Variants in GMDS observed in about 807,000 individuals in gnomAD.
The protein encoded by GMDS is GDP-mannose 4,6 dehydratase.
A neutral mutation model predicts 49.9 loss-of-function variants in GMDS; 20 were observed. That is an observed-to-expected ratio of 0.40 (90% confidence interval 0.28 to 0.58). The LOEUF (loss-of-function observed/expected upper bound fraction) is 0.58, where lower values mean the gene tolerates loss of function less well. GMDS is among the 20% of genes least tolerant of loss of function. The pLI is 0.42. For synonymous variants in GMDS, 177 were observed against 178.6 expected (o/e 0.99, Z 0.07); for missense variants, 362 against 481.4 (o/e 0.75, Z 2.32).
intron 7 of GMDS, among the ~76,000 whole-genome samples, chr6:1,747,817 CAG>C (rs1409222451): frequency 6.6e-6 from 1 of 152,126 alleles, no homozygotes; most frequent in Non-Finnish European, 1.5e-5. Context: ...TAAAAACAAA[CAG>C]TGTGAAACCA....
chr6:1,882,351 T>C (rs185596340), intron 7 of GMDS, among the ~76,000 whole-genome samples: 44 of 152,346 alleles, frequency 2.9e-4, no homozygotes, highest in Admixed American at 1.0e-3. Flanking sequence ...TTGGTTAAAA[T>C]TCCCAGTTTA....
At chr6:1,917,990 C>A (rs2113896058) in intron 7 of GMDS, among the ~76,000 whole-genome samples, 2 of 152,340 alleles carry the variant, frequency 1.3e-5, no homozygotes, top group South Asian at 4.1e-4. Context: ...TCTTACTGCA[C>A]TGTTTCCACA....
chr6:1,891,087 G>A (rs146813627), intron 7 of GMDS, among the ~76,000 whole-genome samples: 1 of 152,184 alleles, frequency 6.6e-6, no homozygotes, highest in East Asian at 1.9e-4. Flanking sequence ...TACTGGTATT[G>A]CCATCTATTC....
At chr6:2,060,233 C>T (rs542563427) in intron 4 of GMDS, among the ~76,000 whole-genome samples, 1 of 152,328 alleles carries the variant, frequency 6.6e-6, no homozygotes, top group East Asian at 1.9e-4. Flanking sequence ...TTCTCTGCCC[C>T]TCTGCTCCAC....
intron 1 of GMDS, among the ~76,000 whole-genome samples, chr6:2,167,234 A>C (rs1777712531): frequency 6.6e-6 from 1 of 152,186 alleles, no homozygotes; most frequent in African/African-American, 2.4e-5. Context: ...CAGTCACTTA[A>C]GGCAAAATGG....
At chr6:2,197,185 G>C (rs1336572573) in intron 1 of GMDS, among the ~76,000 whole-genome samples, 2 of 152,188 alleles carry the variant, frequency 1.3e-5, no homozygotes, top group African/African-American at 4.8e-5. Context: ...ACTGGCTTTA[G>C]TAGGAGGTGA....
At chr6:2,153,551 G>T (rs1478697909) in intron 1 of GMDS, among the ~76,000 whole-genome samples, 1 of 152,048 alleles carries the variant, frequency 6.6e-6, no homozygotes. Flanking sequence ...TAAGAGAAAT[G>T]AGTTCATATA....
At chr6:1,865,700 A>G (rs569050215) in intron 7 of GMDS, among the ~76,000 whole-genome samples, 38 of 152,340 alleles carry the variant, frequency 2.5e-4, no homozygotes, top group Middle Eastern at 6.8e-3. Flanking sequence ...TTGGAGGCCA[A>G]TGGCTTTGAA....
At chr6:1,680,728 G>A (rs1239778905) in intron 9 of GMDS, among the ~76,000 whole-genome samples, 2 of 152,244 alleles carry the variant, frequency 1.3e-5, no homozygotes, top group Non-Finnish European at 2.9e-5. Flanking sequence ...GGTTTGCCTG[G>A]TAAGTGCCTT....
At chr6:2,025,366 G>A (rs938156378) in intron 4 of GMDS, among the ~76,000 whole-genome samples, 23 of 42,604 alleles carry the variant, frequency 5.4e-4, no homozygotes, top group African/African-American at 1.7e-3. Context: ...GGGTGTGTGT[G>A]TGTGTGTGTG....
intron 4 of GMDS, among the ~76,000 whole-genome samples, chr6:2,089,596 C>T (rs1773203838): frequency 6.6e-6 from 1 of 152,094 alleles, no homozygotes; most frequent in Non-Finnish European, 1.5e-5. Context: ...AGACTTTTTC[C>T]TTGAGTGCCT....
At position 1,658,547 on chromosome 6, in the gene GMDS, T is replaced by C. The variant is rs1357317721; in HGVS notation, c.988-34007A>G. On this transcript the variant is annotated intron_variant, in intron 9 of 10. Transcript: ENST00000380815. ...TTCCTCTACTGTATGACACACTCAGTTGAATGAAAAGAAACATCAGTCTTT... is the reference window on the plus strand; with the variant it reads ...TTCCTCTACTGTATGACACACTCAGCTGAATGAAAAGAAACATCAGTCTTT... Among the ~76,000 whole-genome samples, 5 of 152,234 alleles carry C rather than the reference T, an allele frequency of 3.3e-5. No homozygotes were observed. The South Asian group carries it at 1.0e-3, about 32-fold the overall frequency.
At chr6:1,762,810 T>C (rs1768210763) in intron 7 of GMDS, among the ~76,000 whole-genome samples, 1 of 151,802 alleles carries the variant, frequency 6.6e-6, no homozygotes, top group Non-Finnish European at 1.5e-5. Flanking sequence ...AGGAAGAGTA[T>C]TTAGAAAGTT....
chr6:1,770,040 TA>T (rs1262994055), intron 7 of GMDS, among the ~76,000 whole-genome samples: 62 of 152,374 alleles, frequency 4.1e-4, no homozygotes, highest in African/African-American at 1.3e-3. Context: ...TGTAACTTTC[TA>T]ATGATTGATA....
At position 1,742,503 on chromosome 6, in the gene GMDS, G is replaced by A. The variant is rs763635235; in HGVS notation, c.855C>T (p.Val285=). 31 of 1,609,440 alleles carry A rather than the reference G, an allele frequency of 1.9e-5. No homozygotes were observed. In the South Asian group the frequency reaches 2.2e-4, roughly 11 times the overall value. The stretch of plus-strand genomic sequence containing the variant: ...TTCCAATGTGCAAGAATGATTTCTC[G>A]ACAAATTCCCGGACACTATGGACCT... ...TGEVHSVREF[V]EKSFLHIGKT... is the part of the protein sequence containing the mutation. The change falls in exon 8 of 11, where the codon GTC becomes GTT. Residue 285 remains valine, a synonymous_variant. Coordinates refer to ENST00000380815, the MANE Select transcript of GMDS (RefSeq NM_001500.4).
intron 6 of GMDS, among the ~76,000 whole-genome samples, chr6:1,958,411 C>T (rs983168003): frequency 3.3e-5 from 5 of 151,908 alleles, no homozygotes; most frequent in East Asian, 1.9e-4. Flanking sequence ...ACTCTGTGGG[C>T]GCCCTCATAC....
intron 7 of GMDS, among the ~76,000 whole-genome samples, chr6:1,907,993 A>G (rs961061772): frequency 2.0e-5 from 3 of 152,226 alleles, no homozygotes; most frequent in African/African-American, 7.2e-5. Context: ...AACAAGAACT[A>G]ATAATAGAAC....
chr6:1,762,953 A>G (rs967797273), intron 7 of GMDS, among the ~76,000 whole-genome samples: 5 of 152,250 alleles, frequency 3.3e-5, no homozygotes, highest in African/African-American at 1.2e-4. Flanking sequence ...AATCAAAACC[A>G]TGTTTTAGAA....
chr6:2,200,687 G>A (rs1316502778), intron 1 of GMDS, among the ~76,000 whole-genome samples: 1 of 149,208 alleles, frequency 6.7e-6, no homozygotes, highest in Non-Finnish European at 1.5e-5. Context: ...GGCAGTGAGG[G>A]CAGCATGTTA....
Sources: allele counts gnomAD v4.1 joint callset (sites outside exome capture counted in the v4.1 genomes callset), GRCh38; gene constraint gnomAD v4.1.1; transcripts MANE v1.5; gene names NCBI Gene and HGNC (gene_info 2026-07-23, HGNC 2026-07-21).